The following C5AR1 variants were observed in gnomAD, a reference collection of about 807,000 sequenced individuals.
The protein encoded by C5AR1 is complement C5a receptor 1.
A neutral mutation model predicts 2.4 loss-of-function variants in C5AR1; 4 were observed. That is an observed-to-expected ratio of 1.65 (90% CI 0.81 to 3.77). C5AR1 has a LOEUF of 3.77. Among genes scored for constraint, C5AR1 ranks in the 30% most tolerant of loss-of-function variants. The probability of loss-of-function intolerance (pLI) is 0.01; values close to 1 mark genes in which losing one functional copy is unlikely to be tolerated. For missense variants in C5AR1, 418 were observed against 462.5 expected, an observed-to-expected ratio of 0.90 and a Z score of 0.88; for synonymous variants, 209 against 210.4, an observed-to-expected ratio of 0.99 and a Z score of 0.06.
At chr19:47,319,400 C>A (rs940582236) in intron 1 of C5AR1, among the ~76,000 whole-genome samples, 2 of 149,770 alleles carry the variant, frequency 1.3e-5, no homozygotes, top group Non-Finnish European at 3.0e-5. Context: ...CCTCTGCCTC[C>A]TGGGGTCAGG....
intron 1 of C5AR1, 106 bp from the exon 2 acceptor site, chr19:47,319,675 G>A (rs1568661714): frequency 1.7e-5 from 12 of 719,158 alleles, no homozygotes; most frequent in Non-Finnish European, 2.7e-5. Context: ...ATTTCCTAGT[G>A]AGAAAAAGCC....
upstream of C5AR1, among the ~76,000 whole-genome samples, chr19:47,307,945 T>A (rs1485211700): frequency 2.0e-5 from 3 of 151,856 alleles, no homozygotes; most frequent in Non-Finnish European, 4.4e-5. Context: ...CCGGGCGCAG[T>A]GGCTCAAGCC....
intron 1 of C5AR1, among the ~76,000 whole-genome samples, chr19:47,312,508 C>T (rs1483107832): frequency 6.6e-6 from 1 of 152,214 alleles, no homozygotes; most frequent in Non-Finnish European, 1.5e-5. Flanking sequence ...AGTTGGCGCT[C>T]AATGTGGGTG....
chr19:47,316,448 CTT>C (rs769965893), intron 1 of C5AR1: 8 of 144,728 alleles, frequency 5.5e-5, no homozygotes, highest in Admixed American at 7.0e-5. Flanking sequence ...TTTCTATCAC[CTT>C]TTTTTTTTTT....
intron 1 of C5AR1, among the ~76,000 whole-genome samples, chr19:47,311,063 A>T (rs1444108885): frequency 1.3e-5 from 2 of 152,098 alleles, no homozygotes; most frequent in African/African-American, 4.8e-5. Context: ...GAAACGGAAG[A>T]TGGTTTGGAT....
intron 1 of C5AR1, among the ~76,000 whole-genome samples, chr19:47,317,678 G>C (rs1334317380): frequency 6.6e-6 from 1 of 151,456 alleles, no homozygotes; most frequent in Admixed American, 6.6e-5. Context: ...TTTGAGGTGA[G>C]TGTTTTAAAG....
chr19:47,313,013 C>T (rs967148782), intron 1 of C5AR1, among the ~76,000 whole-genome samples: 6 of 152,292 alleles, frequency 3.9e-5, no homozygotes, highest in Middle Eastern at 3.4e-3. Flanking sequence ...CTCGCTCTGT[C>T]ACCCAGCCTG....
In C5AR1 at chr19:47,320,428, G is replaced by C. The variant is rs61733738; in HGVS notation, c.651G>C (p.Thr217=). ...TGGGCTTCCTGTGGCCTCTACTCAC[G>C]CTCACGATTTGTTACACTTTCATCC... ...LVLGFLWPLL[T]LTICYTFILL... The change falls in exon 2 of 2, where the codon ACG becomes ACC. Residue 217 remains threonine (T), a synonymous_variant. Transcript: ENST00000355085. This position sits in a 1 kb window ranked among gnomAD's most constrained non-coding sequence, Gnocchi z 4.9. 1 of 1,611,108 alleles carries C rather than the reference G, an allele frequency of 6.2e-7. No homozygotes were observed. Among genetic ancestry groups the C allele is most frequent in the Non-Finnish European group, 8.5e-7 (1 of 1,179,954 alleles).
rs201214270 is a variant in C5AR1, at chr19:47,320,314, G to A, written c.537G>A (p.Glu179=). The A allele has an allele frequency of 1.5e-4, 235 of 1,610,850 alleles. 1 individual carries two copies. Among genetic ancestry groups the A allele is most frequent in the Admixed American group, 2.7e-4 (16 of 60,018 alleles). Residue 179 remains glutamate, a synonymous_variant, in exon 2 of 2, where the codon GAG becomes GAA. Coordinates refer to ENST00000355085, the MANE Select transcript of C5AR1 (RefSeq NM_001736.4). The surrounding 1 kb of genome is among the most constrained non-coding windows in gnomAD (Gnocchi z 4.9). ...CCTTCCTGTACCGGGTGGTCCGGGA[G>A]GAGTACTTTCCACCAAAGGTGTTGT... ...IPSFLYRVVR[E]EYFPPKVLCG...
chr19:47,311,525 A>G (rs1183552739), intron 1 of C5AR1, among the ~76,000 whole-genome samples: 1 of 151,608 alleles, frequency 6.6e-6, no homozygotes, highest in Non-Finnish European at 1.5e-5. Context: ...GAAAAAAAAA[A>G]ACTCATTCTC....
chr19:47,319,849 C>A lies in C5AR1; in HGVS notation c.72C>A (p.Thr24=), dbSNP rs1599732126. The change falls in exon 2 of 2, where the codon ACC becomes ACA. Residue 24 remains threonine (T), a synonymous_variant. Coordinates refer to ENST00000355085, the MANE Select transcript of C5AR1 (RefSeq NM_001736.4). ...YDDKDTLDLN[T]PVDKTSNTLR... ...ACAAGGATACCCTGGACCTCAACAC[C>A]CCTGTGGATAAAACTTCTAACACGC... 6.2e-7 allele frequency: 1 copy of A among 1,614,130 alleles called. No homozygotes were observed. Among genetic ancestry groups the A allele is most frequent in the African/African-American group, 1.3e-5 (1 of 75,040 alleles).
chr19:47,314,483 C>T (rs1200384697), intron 1 of C5AR1, among the ~76,000 whole-genome samples: 1 of 152,110 alleles, frequency 6.6e-6, no homozygotes, highest in African/African-American at 2.4e-5. Flanking sequence ...CTGTAGCCTC[C>T]ACCTCCCGGG....
rs554687319 is a variant in C5AR1 at position 47,319,665 on chromosome 19, A to T, written c.4-116A>T. 9.6e-5 allele frequency: 66 copies of T among 690,034 alleles called. No individual in the cohort carries two copies. In the South Asian group the frequency reaches 1.1e-3, roughly 11 times the overall value. The allele number at this position is 690,034 out of a possible 1,614,324, so 42.7% of individuals were successfully genotyped here. A position where few individuals can be genotyped will look rare whatever the true frequency, so the allele number is the denominator to read the frequency against. On this transcript the variant is annotated intron_variant, in intron 1 of 1. Transcript: ENST00000355085. The stretch of plus-strand genomic sequence containing the variant: ...TTGACTCTCAGCCCTCAGCATCCCC[A>T]TTTCCTAGTGAGAAAAAGCCACACA...
rs200226809 is a variant in C5AR1 at position 47,320,736 on chromosome 19, G to C, written c.959G>C (p.Arg320Pro). 2 of 1,614,092 alleles carry C rather than the reference G, an allele frequency of 1.2e-6. No homozygotes were observed. The highest frequency in any genetic ancestry group is 1.7e-5 in the Admixed American group (1 of 60,006). The part of the protein sequence containing the change: ...RLRKSLPSLL[R>P]NVLTEESVVR... ...CGGAAATCCCTCCCCAGCCTCCTCC[G>C]GAACGTGTTGACTGAAGAGTCCGTG... The change falls in exon 2 of 2, where the codon CGG becomes CCG. Residue 320 changes from arginine to proline, a missense_variant. Coordinates refer to ENST00000355085, the MANE Select transcript of C5AR1 (RefSeq NM_001736.4). The surrounding 1 kb of genome is among the most constrained non-coding windows in gnomAD (Gnocchi z 4.9).
intron 1 of C5AR1, among the ~76,000 whole-genome samples, chr19:47,311,848 G>A (rs1408689477): frequency 2.0e-5 from 3 of 151,958 alleles, no homozygotes; most frequent in African/African-American, 7.2e-5. Flanking sequence ...TTACAGGTAT[G>A]AGCCACCCTA....
chr19:47,312,857 T>TG (rs1442929855), intron 1 of C5AR1, among the ~76,000 whole-genome samples: 1 of 151,542 alleles, frequency 6.6e-6, no homozygotes, highest in Non-Finnish European at 1.5e-5. Context: ...TTTGTAGAGG[T>TG]GGGGTCTTGC....
At chr19:47,310,868 C>G (rs1449571167) in intron 1 of C5AR1, among the ~76,000 whole-genome samples, 3 of 152,176 alleles carry the variant, frequency 2.0e-5, no homozygotes, top group Non-Finnish European at 4.4e-5. Context: ...GATGGGGACC[C>G]TCCATGGTTG....
chr19:47,308,492 AT>A (rs1407577047), upstream of C5AR1, among the ~76,000 whole-genome samples: 1 of 150,392 alleles, frequency 6.6e-6, no homozygotes, highest in Non-Finnish European at 1.5e-5. Context: ...GGGTAGCTCC[AT>A]TTTCTATTGC....
Position 47,320,736 on chromosome 19 carries a change from G to A in C5AR1, c.959G>A (p.Arg320Gln), listed in dbSNP as rs200226809. ...CGGAAATCCCTCCCCAGCCTCCTCCGGAACGTGTTGACTGAAGAGTCCGTG... is the reference window on the plus strand; with the variant it reads ...CGGAAATCCCTCCCCAGCCTCCTCCAGAACGTGTTGACTGAAGAGTCCGTG... ...RLRKSLPSLL[R>Q]NVLTEESVVR... The change falls in exon 2 of 2, where the codon CGG becomes CAG. Residue 320 changes from arginine (R) to glutamine (Q), a missense_variant. Transcript: ENST00000355085. The surrounding 1 kb of genome is among the most constrained non-coding windows in gnomAD (Gnocchi z 4.9). The A allele has an allele frequency of 1.2e-5, 20 of 1,613,974 alleles. No individual in the cohort carries two copies. Among genetic ancestry groups the A allele is most frequent in the Admixed American group, 1.0e-4 (6 of 59,986 alleles).
Sources: gnomAD v4.1 joint callset for allele counts (sites outside exome capture counted in the v4.1 genomes callset) on GRCh38, gnomAD v4.1.1 for gene constraint, Gnocchi (gnomAD v3.1) non-coding constraint, MANE v1.5 for transcripts, NCBI Gene and HGNC (gene_info 2026-07-23, HGNC 2026-07-21) for gene names.